Variants in TATDN1 observed in about 807,000 individuals in gnomAD.
TATDN1 encodes the protein TatD DNase domain containing 1.
TATDN1 carries 40 observed loss-of-function variants against 46.4 expected under a neutral mutation model. That is an observed-to-expected ratio of 0.86 (90% CI 0.67 to 1.12). TATDN1 has a LOEUF of 1.12. Ranked by LOEUF, TATDN1 falls within the 50% of genes most tolerant of loss-of-function variation. The pLI, the probability that TATDN1 is intolerant of heterozygous loss-of-function variation, is 0.00. For missense variants in TATDN1, 326 were observed against 348.4 expected (o/e 0.94, Z 0.51); for synonymous variants, 95 against 105.6 (o/e 0.90, Z 0.62).
At chr8:124,516,305 A>ATT (rs913820200) in intron 4 of TATDN1, among the ~76,000 whole-genome samples, 1 of 144,244 alleles carries the variant, frequency 6.9e-6, no homozygotes, top group African/African-American at 2.5e-5. Flanking sequence ...GCAAAGTGAA[A>ATT]TTTTTTTTTT....
intron 9 of TATDN1, among the ~76,000 whole-genome samples, chr8:124,503,375 TA>T (rs1460614944): frequency 6.6e-6 from 1 of 152,222 alleles, no homozygotes; most frequent in Non-Finnish European, 1.5e-5. Context: ...GGGACTCTGA[TA>T]TTTGTTCATA....
rs189128169 is a variant in TATDN1 at position 124,527,624 on chromosome 8, G to C, written c.23-4622C>G. Among the ~76,000 whole-genome samples, 727 of 152,150 alleles carry C rather than the reference G, an allele frequency of 4.8e-3. 3 individuals carry two copies. Among genetic ancestry groups the C allele is most frequent in the Non-Finnish European group, 7.9e-3 (535 of 68,008 alleles). On this transcript the variant is annotated intron_variant, in intron 1 of 11. Coordinates refer to ENST00000276692, the MANE Select transcript of TATDN1 (RefSeq NM_032026.4). ...AAACTTAGCTTTCAGAGTTTTTCTG[G>C]GGTCTCCTTGGCCAAGGTAGTGTCC...
Position 124,521,898 on chromosome 8 carries a change from T to C in TATDN1, c.138+253A>G, listed in dbSNP as rs975898933. On this transcript the variant is annotated intron_variant, in intron 3 of 11. Transcript: ENST00000276692. ...CTTAAGCCTGGTAATTCACATAGGT[T>C]TAAAAAATTTTTTTTCAAGGAGCTT... 14 of 327,218 alleles carry C rather than the reference T, an allele frequency of 4.3e-5. 1 individual carries two copies. The Admixed American group carries it at 6.9e-4, about 16-fold the overall frequency. The allele number at this position is 327,218 out of a possible 1,614,324, so 20.3% of individuals were successfully genotyped here.
intron 6 of TATDN1, among the ~76,000 whole-genome samples, chr8:124,508,989 G>A (rs773823479): frequency 1.3e-5 from 2 of 152,168 alleles, no homozygotes. Context: ...CTCACCAAGC[G>A]AGAAGCCCAG....
At chr8:124,538,363 T>G (rs962320410) in intron 1 of TATDN1, 27 of 153,168 alleles carry the variant, frequency 1.8e-4, no homozygotes, top group African/African-American at 6.3e-4. Flanking sequence ...CACTGTCATT[T>G]CCCACCTTCA....
In TATDN1 at chr8:124,496,968, CAT is replaced by C. The variant is rs528062228; in HGVS notation, c.594-1428_594-1427del. On this transcript the variant is annotated intron_variant, in intron 9 of 11. Coordinates refer to ENST00000276692, the MANE Select transcript of TATDN1 (RefSeq NM_032026.4). ...CAGCATTTAATTCAGGATGTTTCAACATGTATCTCTGAGCATAAGGATTCTTG... is the reference window on the plus strand; with the variant it reads ...CAGCATTTAATTCAGGATGTTTCAACGTATCTCTGAGCATAAGGATTCTTG... Among the ~76,000 whole-genome samples, 198 of 152,258 alleles carry C rather than the reference CAT, an allele frequency of 1.3e-3. 1 individual carries two copies. The highest frequency in any genetic ancestry group is 2.5e-3 in the Non-Finnish European group (170 of 68,020).
intron 3 of TATDN1, among the ~76,000 whole-genome samples, chr8:124,520,476 T>C (rs547586030): frequency 6.3e-4 from 96 of 151,856 alleles, no homozygotes; most frequent in African/African-American, 2.3e-3. Context: ...TTGGGAAAAC[T>C]TTCTTGTTAC....
In TATDN1 at chr8:124,515,714, C is replaced by T. The variant is rs1819399539; in HGVS notation, c.389+32G>A. The T allele has an allele frequency of 1.0e-5, 16 of 1,594,852 alleles. No individual in the cohort carries two copies. The East Asian group carries it at 2.9e-4, about 29-fold the overall frequency. On this transcript the variant is annotated intron_variant, in intron 6 of 11. Transcript: ENST00000276692. ...ATTTTAAAAATCACTCATGATTTTA[C>T]AATAATTTGTAAAGCCAACAAATTT...
intron 1 of TATDN1, among the ~76,000 whole-genome samples, chr8:124,533,185 G>A (rs776458929): frequency 6.6e-6 from 1 of 151,860 alleles, no homozygotes; most frequent in African/African-American, 2.4e-5. Flanking sequence ...CCGGGAGGTG[G>A]AGCTTGCAGT....
At chr8:124,501,218 G>A (rs1232788120) in intron 9 of TATDN1, among the ~76,000 whole-genome samples, 2 of 152,064 alleles carry the variant, frequency 1.3e-5, no homozygotes, top group Non-Finnish European at 2.9e-5. Context: ...ATACTGTCAG[G>A]GACATTTACA....
At chr8:124,492,751 CAAAAAAAAAA>C (rs397892964) in intron 11 of TATDN1, among the ~76,000 whole-genome samples, 2 of 72,380 alleles carry the variant, frequency 2.8e-5, no homozygotes, top group South Asian at 5.9e-4. Context: ...AAGATGGTCT[CAAAAAAAAAA>C]AAAAAAAAAA....
intron 1 of TATDN1, among the ~76,000 whole-genome samples, chr8:124,525,110 CA>C (rs1346494193): frequency 6.6e-5 from 10 of 152,090 alleles, no homozygotes; most frequent in Non-Finnish European, 1.5e-4. Context: ...GCTGACCACC[CA>C]CCATCCTTCC....
Position 124,520,942 on chromosome 8 carries a change from C to CA in TATDN1, c.138+1208dup, listed in dbSNP as rs1162309758. 9.1e-3 allele frequency among the ~76,000 whole-genome samples: 742 copies of CA among 81,714 alleles called. 6 individuals are homozygous for CA. The highest frequency in any genetic ancestry group is 0.017 in the African/African-American group (383 of 22,850). 53.6% of individuals were successfully genotyped at this position (81,714 alleles called of 152,430 possible). ...TGGGTGACAGAGCGAGACTCCGTCTCAAAAAAAAAAAAAAAAAAAAAAGAT... is the reference window on the plus strand; with the variant it reads ...TGGGTGACAGAGCGAGACTCCGTCTCAAAAAAAAAAAAAAAAAAAAAAAGAT... On this transcript the variant is annotated intron_variant, in intron 3 of 11. Coordinates refer to ENST00000276692, the MANE Select transcript of TATDN1 (RefSeq NM_032026.4).
At chr8:124,535,663 G>A (rs1266648606) in intron 1 of TATDN1, among the ~76,000 whole-genome samples, 1 of 152,210 alleles carries the variant, frequency 6.6e-6, no homozygotes. Flanking sequence ...ACATGGTGGT[G>A]TTATGTGTGA....
At chr8:124,505,756 C>G (rs1818354896) in intron 8 of TATDN1, among the ~76,000 whole-genome samples, 1 of 151,870 alleles carries the variant, frequency 6.6e-6, no homozygotes, top group Non-Finnish European at 1.5e-5. Flanking sequence ...CTACTGAGTC[C>G]AGAGAGCCTG....
At chr8:124,492,606 TA>T (rs933207260) in intron 11 of TATDN1, among the ~76,000 whole-genome samples, 1 of 151,830 alleles carries the variant, frequency 6.6e-6, no homozygotes, top group African/African-American at 2.4e-5. Flanking sequence ...ATACAAAAAT[TA>T]ACTGAGTGTG....
At chr8:124,505,536 C>CAAAAAAAAAAAAAAAAA (rs199714420) in intron 8 of TATDN1, among the ~76,000 whole-genome samples, 1 of 75,364 alleles carries the variant, frequency 1.3e-5, no homozygotes, top group African/African-American at 4.3e-5. Flanking sequence ...GAAACTGTCT[C>CAAAAAAAAAAAAAAAAA]AAAAAAAAAA....
chr8:124,501,081 C>G (rs3886003), intron 9 of TATDN1, among the ~76,000 whole-genome samples: 83,781 of 152,032 alleles, frequency 0.55, 24,329 homozygotes, highest in African/African-American at 0.74. Context: ...GGTCTCAAGA[C>G]AATCCACATC....
chr8:124,503,428 T>C (rs1441777006), intron 9 of TATDN1, among the ~76,000 whole-genome samples: 2 of 152,182 alleles, frequency 1.3e-5, no homozygotes, highest in African/African-American at 4.8e-5. Context: ...ATGCATATAT[T>C]CCCTTGCATA....
Sources: gnomAD v4.1 joint callset for allele counts (sites outside exome capture counted in the v4.1 genomes callset) on GRCh38, gnomAD v4.1.1 for gene constraint, MANE v1.5 for transcripts, NCBI Gene and HGNC (gene_info 2026-07-23, HGNC 2026-07-21) for gene names.